FAM107A: variants seen among roughly 807,000 people sequenced by gnomAD.
The protein encoded by FAM107A is actin-associated protein FAM107A.
In FAM107A, 19 loss-of-function variants were observed where a neutral mutation model predicts 13.7. The ratio of observed to expected loss-of-function variants is 1.38; its 90% confidence interval spans 0.97 to 2.03. FAM107A has a LOEUF of 2.03. Among genes scored for constraint, FAM107A ranks in the 30% most tolerant of loss-of-function variants. The pLI is 0.00. For synonymous variants in FAM107A, 82 were observed against 74.5 expected, an observed-to-expected ratio of 1.10 and a Z score of -0.52; for missense variants, 203 against 184.4, an observed-to-expected ratio of 1.10 and a Z score of -0.58.
At chr3:58,609,393 A>C (rs2065831168) in intron 1 of FAM107A, 1 of 152,078 alleles carries the variant, frequency 6.6e-6, no homozygotes, top group South Asian at 2.1e-4. Flanking sequence ...TGACCATGAT[A>C]TCTCCCCTCC....
chr3:58,579,672 G>T (rs2065506931), upstream of FAM107A, among the ~76,000 whole-genome samples: 1 of 152,172 alleles, frequency 6.6e-6, no homozygotes, highest in Non-Finnish European at 1.5e-5. Context: ...CTAACAGTTG[G>T]AGAGTAAGAA....
intron 1 of FAM107A, among the ~76,000 whole-genome samples, chr3:58,582,878 G>A (rs554764380): frequency 1.0e-3 from 159 of 152,220 alleles, no homozygotes; most frequent in African/African-American, 3.6e-3. Context: ...GGCTCACTGC[G>A]ACCTCTGCCT....
upstream of FAM107A, among the ~76,000 whole-genome samples, chr3:58,591,538 G>T (rs996135687): frequency 1.4e-4 from 21 of 152,120 alleles, no homozygotes; most frequent in African/African-American, 4.8e-4. This position sits in a 1 kb window ranked among gnomAD's most constrained non-coding sequence, Gnocchi z 4.3. Flanking sequence ...AGAACTCTCT[G>T]GGTTCCCTGA....
intron 1 of FAM107A, among the ~76,000 whole-genome samples, chr3:58,583,168 T>C (rs950121692): frequency 2.0e-5 from 3 of 152,146 alleles, no homozygotes; most frequent in Non-Finnish European, 4.4e-5. Flanking sequence ...GTCTCAACAG[T>C]GTAAAACACA....
intron 1 of FAM107A, among the ~76,000 whole-genome samples, chr3:58,623,042 G>A (rs1312819070): frequency 6.6e-6 from 1 of 152,158 alleles, no homozygotes; most frequent in Non-Finnish European, 1.5e-5. Flanking sequence ...TGGGCGCAAT[G>A]AGCTGGAATC....
chr3:58,594,428 C>T (rs763103901), intron 1 of FAM107A, among the ~76,000 whole-genome samples: 10 of 152,202 alleles, frequency 6.6e-5, no homozygotes, highest in East Asian at 1.9e-4. Context: ...CCAGTACAAC[C>T]TCTAACGGCA....
chr3:58,618,563 C>T (rs1455695421), intron 1 of FAM107A, among the ~76,000 whole-genome samples: 2 of 152,216 alleles, frequency 1.3e-5, no homozygotes, highest in African/African-American at 2.4e-5. Context: ...TATTCTTATT[C>T]GTGAACGAGG....
At chr3:58,585,678 T>A (rs3792399) in intron 1 of FAM107A, among the ~76,000 whole-genome samples, 28,656 of 152,200 alleles carry the variant, frequency 0.19, 3,428 homozygotes, top group East Asian at 0.47. Flanking sequence ...CCCAAGTCCC[T>A]TGACGCTTTG....
chr3:58,615,596 T>C (rs983174729), intron 1 of FAM107A, among the ~76,000 whole-genome samples: 3 of 151,958 alleles, frequency 2.0e-5, no homozygotes, highest in African/African-American at 7.3e-5. Flanking sequence ...GGATTTTAGC[T>C]GGAGGGAAGA....
chr3:58,572,399 G>C (rs1377517873), intron 1 of FAM107A, among the ~76,000 whole-genome samples: 2 of 152,158 alleles, frequency 1.3e-5, no homozygotes, highest in East Asian at 1.9e-4. Flanking sequence ...GGTGTGGTGA[G>C]GGCCTCTCTG....
At position 58,611,921 on chromosome 3, in the gene FAM107A, A is replaced by G. The variant is rs147841954; in HGVS notation, c.-70+15495T>C. On this transcript the variant is annotated intron_variant, in intron 1 of 3. Transcript: ENST00000465970. The stretch of plus-strand genomic sequence containing the variant: ...TGTTGCCAAACTGCTCTGGGTGAGA[A>G]TGAAGACAGGGAGGAGATGAGTCAC... Among the ~76,000 whole-genome samples, 28 of 152,298 alleles carry G rather than the reference A, an allele frequency of 1.8e-4. No individual in the cohort carries two copies. The East Asian group carries it at 4.8e-3, about 26-fold the overall frequency.
chr3:58,617,899 T>C lies in FAM107A; in HGVS notation c.-70+9517A>G, dbSNP rs535125827. ...TCAATCCTGACGCTTGAAAAACAAG[T>C]CCATGAGAACGTGGGCTGTGGAGCC... is the stretch of plus-strand genomic sequence containing the variant. On this transcript the variant is annotated intron_variant, in intron 1 of 3. Transcript: ENST00000465970. The surrounding 1 kb of genome is among the most constrained non-coding windows in gnomAD (Gnocchi z 4.5). Among the ~76,000 whole-genome samples the C allele has an allele frequency of 2.0e-5, 3 of 152,228 alleles. No individual in the cohort carries two copies. In the South Asian group the frequency reaches 6.2e-4, roughly 32 times the overall value.
At chr3:58,623,757 C>T (rs2065981449) in intron 1 of FAM107A, among the ~76,000 whole-genome samples, 1 of 152,228 alleles carries the variant, frequency 6.6e-6, no homozygotes, top group East Asian at 1.9e-4. Flanking sequence ...TCTTGCTTAA[C>T]CTCTCCACGT....
intron 1 of FAM107A, among the ~76,000 whole-genome samples, chr3:58,623,404 G>C (rs978487844): frequency 6.6e-6 from 1 of 152,162 alleles, no homozygotes; most frequent in Non-Finnish European, 1.5e-5. Flanking sequence ...AACCTCCAGG[G>C]GGCTATGCTG....
intron 1 of FAM107A, among the ~76,000 whole-genome samples, chr3:58,624,360 G>A (rs2065989054): frequency 1.3e-5 from 2 of 152,222 alleles, no homozygotes; most frequent in Admixed American, 1.3e-4. Flanking sequence ...CAAGTCCAAG[G>A]GAAGTTCAGG....
intron 1 of FAM107A, among the ~76,000 whole-genome samples, chr3:58,616,836 C>A (rs1051534993): frequency 6.6e-6 from 1 of 152,058 alleles, no homozygotes. Flanking sequence ...TGCAGTGGCA[C>A]GATCTCGGCT....
chr3:58,624,605 G>T (rs77979047), intron 1 of FAM107A, among the ~76,000 whole-genome samples: 5,801 of 152,268 alleles, frequency 0.038, 163 homozygotes, highest in Non-Finnish European at 0.057. Context: ...CCAAGGGTGG[G>T]CTCTGGTTGG....
intron 1 of FAM107A, among the ~76,000 whole-genome samples, chr3:58,593,926 T>C (rs1403670062): frequency 6.6e-6 from 1 of 152,110 alleles, no homozygotes; most frequent in Non-Finnish European, 1.5e-5. Context: ...GCCACACTTA[T>C]CCGCATCTAC....
intron 2 of FAM107A, among the ~76,000 whole-genome samples, chr3:58,568,210 G>A (rs1219924793): frequency 3.9e-5 from 6 of 152,086 alleles, no homozygotes; most frequent in South Asian, 2.1e-4. Flanking sequence ...CGAGGAGGGC[G>A]GATCACGAGG....
Sources: allele counts gnomAD v4.1 joint callset (sites outside exome capture counted in the v4.1 genomes callset), GRCh38; gene constraint gnomAD v4.1.1; non-coding constraint Gnocchi (gnomAD v3.1); transcripts MANE v1.5; gene names NCBI Gene and HGNC (gene_info 2026-07-23, HGNC 2026-07-21).